The following SLC4A7 variants were observed in gnomAD, a reference collection of about 807,000 sequenced individuals.
SLC4A7 encodes sodium bicarbonate cotransporter 3.
A neutral mutation model predicts 137.6 loss-of-function variants in SLC4A7; 51 were observed. That is an observed-to-expected ratio of 0.37 (90% CI 0.30 to 0.47). The LOEUF is 0.47. Among genes scored for constraint, SLC4A7 ranks in the 20% least tolerant of loss-of-function variants. SLC4A7 has a pLI of 1.00. For synonymous variants in SLC4A7, 542 were observed against 518.6 expected, an observed-to-expected ratio of 1.05 and a Z score of -0.61; for missense variants, 1,247 against 1,525.4, an observed-to-expected ratio of 0.82 and a Z score of 3.04.
intron 22 of SLC4A7, among the ~76,000 whole-genome samples, chr3:27,388,740 A>T (rs2051229243): frequency 6.6e-6 from 1 of 152,156 alleles, no homozygotes; most frequent in Admixed American, 6.5e-5. Context: ...ATAACCATGA[A>T]TCCCAATTAA....
chr3:27,467,720 C>A (rs1427178452), intron 1 of SLC4A7, among the ~76,000 whole-genome samples: 1 of 152,128 alleles, frequency 6.6e-6, no homozygotes, highest in Non-Finnish European at 1.5e-5. Context: ...GTATTTAACA[C>A]CACTAAAATT....
intron 1 of SLC4A7, among the ~76,000 whole-genome samples, chr3:27,481,134 G>A (rs2059688316): frequency 6.6e-6 from 1 of 151,968 alleles, no homozygotes; most frequent in Non-Finnish European, 1.5e-5. Context: ...ATTTATAAAA[G>A]GATTTAACCT....
intron 16 of SLC4A7, among the ~76,000 whole-genome samples, chr3:27,399,611 TTGTAGAGA>T (rs1291192774): frequency 6.6e-6 from 1 of 151,620 alleles, no homozygotes; most frequent in African/African-American, 2.4e-5. Context: ...TTTTTAATTT[TTGTAGAGA>T]TGGTGCCTTG....
chr3:27,427,209 C>G (rs991847737), intron 7 of SLC4A7, among the ~76,000 whole-genome samples: 3 of 152,122 alleles, frequency 2.0e-5, no homozygotes, highest in African/African-American at 7.2e-5. Context: ...TCCCCTGCCA[C>G]CCAATCACCC....
chr3:27,426,177 T>A (rs145904737), intron 7 of SLC4A7, among the ~76,000 whole-genome samples: 2 of 152,370 alleles, frequency 1.3e-5, no homozygotes, highest in African/African-American at 4.8e-5. Context: ...TAAACTACAA[T>A]GTTGATGTGA....
intron 1 of SLC4A7, among the ~76,000 whole-genome samples, chr3:27,473,692 T>G: frequency 9.0e-6 from 1 of 111,034 alleles, no homozygotes; most frequent in African/African-American, 3.6e-5. Flanking sequence ...GGTGACAGAG[T>G]GAGACCTCAT....
At chr3:27,390,741 G>C (rs916364169) in intron 21 of SLC4A7, among the ~76,000 whole-genome samples, 1 of 152,174 alleles carries the variant, frequency 6.6e-6, no homozygotes, top group African/African-American at 2.4e-5. Context: ...CTATGAGTTG[G>C]AAACTTTAGA....
chr3:27,403,172 A>G lies in SLC4A7; in HGVS notation c.2288T>C (p.Met763Thr). Reference protein sequence around the residue: ...FDLGETYAFNMHNNLDKLTSY... With the variant: ...FDLGETYAFNTHNNLDKLTSY... Reference sequence around the variant, plus strand: ...GGTCAGTTTATCTAAGTTGTTGTGCATATTAAATGCATATGTTTCTCCTAA... The same window carrying G: ...GGTCAGTTTATCTAAGTTGTTGTGCGTATTAAATGCATATGTTTCTCCTAA... Residue 763 changes from methionine to threonine, a missense_variant, in exon 15 of 26, where the codon ATG (methionine) becomes ACG (threonine). Met to Thr is a moderately conservative substitution (Grantham distance 81, BLOSUM62 -1). Coordinates refer to ENST00000454389, the MANE Select transcript of SLC4A7 (RefSeq NM_001321103.2). 1 of 1,612,822 alleles carries G rather than the reference A, an allele frequency of 6.2e-7. No homozygotes were observed. Among genetic ancestry groups the G allele is most frequent in the Non-Finnish European group, 8.5e-7 (1 of 1,179,606 alleles).
intron 13 of SLC4A7, among the ~76,000 whole-genome samples, chr3:27,405,679 T>G (rs1472696253): frequency 6.6e-6 from 1 of 152,164 alleles, no homozygotes; most frequent in Non-Finnish European, 1.5e-5. Context: ...AGAGCAAAAC[T>G]TTCCACATAT....
intron 3 of SLC4A7, among the ~76,000 whole-genome samples, chr3:27,445,688 C>T (rs1470411179): frequency 6.8e-6 from 1 of 147,514 alleles, no homozygotes; most frequent in Non-Finnish European, 1.5e-5. Flanking sequence ...GAGGCTGAGG[C>T]AGGCAGATCA....
chr3:27,461,543 T>G (rs1356181605), intron 1 of SLC4A7, among the ~76,000 whole-genome samples: 1 of 144,942 alleles, frequency 6.9e-6, no homozygotes, highest in Non-Finnish European at 1.5e-5. Flanking sequence ...AGACCAAGGC[T>G]GGAGGATGGC....
chr3:27,433,842 T>G, intron 6 of SLC4A7, 74 bp downstream of exon 6: 1 of 1,276,968 alleles, frequency 7.8e-7, no homozygotes. Context: ...TATCCCCAAA[T>G]GTTAATCGTA....
intron 10 of SLC4A7, among the ~76,000 whole-genome samples, chr3:27,419,325 T>C (rs972549174): frequency 1.3e-5 from 2 of 151,734 alleles, no homozygotes; most frequent in African/African-American, 2.4e-5. Flanking sequence ...TTCCCGCACT[T>C]TGGGAGGCCG....
At position 27,403,139 on chromosome 3, in the gene SLC4A7, G is replaced by A. The variant is rs771750085; in HGVS notation, c.2321C>T (p.Ser774Leu). 1.8e-5 allele frequency: 29 copies of A among 1,599,284 alleles called. No individual in the cohort carries two copies. In the East Asian group the frequency reaches 3.4e-4, roughly 18 times the overall value. Reference protein sequence around the residue: ...HNNLDKLTSYSCVCTEPPNPS... With the variant: ...HNNLDKLTSYLCVCTEPPNPS... ...ATTAGGAGAAAAGAGAAATACTTAC[G>A]AGTAGCTGGTCAGTTTATCTAAGTT... The change falls in exon 15 of 26, where the codon TCA (serine) becomes TTA (leucine). Residue 774 changes from serine (S) to leucine (L), a missense_variant and splice_region_variant. By Grantham distance (145) the Ser-to-Leu change is moderately radical (BLOSUM62 -2). This residue lies in a region of SLC4A7 where 499 missense variants were observed against 664.2 expected (regional missense o/e 0.75). Coordinates refer to ENST00000454389, the MANE Select transcript of SLC4A7 (RefSeq NM_001321103.2).
At chr3:27,483,994 C>T in intron 1 of SLC4A7, 73 bp downstream of exon 1, 2 of 1,168,758 alleles carry the variant, frequency 1.7e-6, no homozygotes, top group African/African-American at 1.6e-5. Flanking sequence ...ACGCCCGCCG[C>T]GCCCCCCGCC....
chr3:27,449,959 G>A (rs542196585), intron 2 of SLC4A7, among the ~76,000 whole-genome samples: 3 of 152,226 alleles, frequency 2.0e-5, no homozygotes, highest in Non-Finnish European at 4.4e-5. Flanking sequence ...CCATATTTGC[G>A]AAGTTGCTGA....
rs754892706 is a variant in SLC4A7, at chr3:27,389,964, T to A, written c.3327A>T (p.Lys1109Asn). ...LTCLVLLWVI[K>N]VSAAAVVFPM... ...GAAAAACCACTGCAGCAGCTGAAACTTTTATCACCCATAAAAGGACCAAAC... is the reference window on the plus strand; with the variant it reads ...GAAAAACCACTGCAGCAGCTGAAACATTTATCACCCATAAAAGGACCAAAC... The change falls in exon 22 of 26, where the codon AAA becomes AAT. Residue 1109 changes from lysine to asparagine, a missense_variant. By Grantham distance (94) the Lys-to-Asn change is moderately conservative (BLOSUM62 0). Around this residue, in one of 6 missense-constraint regions of SLC4A7, gnomAD observed 290 missense variants for 323.8 expected, o/e 0.90. Coordinates refer to ENST00000454389, the MANE Select transcript of SLC4A7 (RefSeq NM_001321103.2). 1 of 1,613,812 alleles carries A rather than the reference T, an allele frequency of 6.2e-7. No homozygotes were observed. Among genetic ancestry groups the A allele is most frequent in the South Asian group, 1.1e-5 (1 of 91,042 alleles).
At chr3:27,444,334 C>T (rs1576500984) in intron 3 of SLC4A7, among the ~76,000 whole-genome samples, 1 of 152,252 alleles carries the variant, frequency 6.6e-6, no homozygotes, top group Middle Eastern at 3.4e-3. Context: ...TGTTCAGCTC[C>T]TTGGATCTAT....
At position 27,431,331 on chromosome 3, in the gene SLC4A7, G is replaced by A. The variant is rs756831006; in HGVS notation, c.1117C>T (p.Gln373Ter). ...AAGTCAACATTTTCCTCATTCTTCT[G>A]CTCCTCGCCTTTCAGCGCTGCTTCT... is the stretch of plus-strand genomic sequence containing the variant. ...DLEAALKGEE[Q>*]KNEENVDLTP... The change falls in exon 7 of 26, where the codon CAG (glutamine) becomes TAG (stop). Residue 373 changes from glutamine (Q) to a stop codon, truncating the protein, a stop_gained. Coordinates refer to ENST00000454389, the MANE Select transcript of SLC4A7 (RefSeq NM_001321103.2). LOFTEE classifies it high-confidence loss of function. 20 of 1,605,654 alleles carry A rather than the reference G, an allele frequency of 1.2e-5. No individual in the cohort carries two copies. The highest frequency in any genetic ancestry group is 1.7e-5 in the Admixed American group (1 of 58,872).
Sources: allele counts gnomAD v4.1 joint callset (sites outside exome capture counted in the v4.1 genomes callset), GRCh38; gene constraint gnomAD v4.1.1; regional missense constraint gnomAD v4.1.1; transcripts MANE v1.5; gene names NCBI Gene and HGNC (gene_info 2026-07-23, HGNC 2026-07-21).